The following DEPTOR variants were observed in gnomAD, a reference collection of about 807,000 sequenced individuals.
The protein encoded by DEPTOR is DEP domain containing MTOR interacting protein.
A neutral mutation model predicts 41.6 loss-of-function variants in DEPTOR; 41 were observed. The ratio of observed to expected loss-of-function variants is 0.98; its 90% CI spans 0.77 to 1.28. The LOEUF (loss-of-function observed/expected upper bound fraction) is 1.28, where lower values mean the gene tolerates loss of function less well. Ranked by LOEUF, DEPTOR falls within the 50% of genes most tolerant of loss-of-function variation. The pLI, the probability that DEPTOR is intolerant of heterozygous loss-of-function variation, is 0.00. For synonymous variants in DEPTOR, 195 were observed against 192.3 expected (o/e 1.01, Z -0.12); for missense variants, 514 against 527.9 (o/e 0.97, Z 0.26).
chr8:119,959,158 CT>C lies in DEPTOR; in HGVS notation c.426-6052del, dbSNP rs60202859. Among the ~76,000 whole-genome samples the C allele has an allele frequency of 5.9e-3, 673 of 114,824 alleles. 1 individual carries two copies. The highest frequency in any genetic ancestry group is 0.018 in the African/African-American group (527 of 29,420). 75.3% of individuals were successfully genotyped at this position (114,824 alleles called of 152,430 possible). A position where few individuals can be genotyped will look rare whatever the true frequency, so the allele number is the denominator to read the frequency against. Reference sequence around the variant, plus strand: ...GCTATTTCTTTTTCTTTCTTTCTTTCTTTTTTTTTTTTTTTTTTTTTTGAGA... The same window carrying C: ...GCTATTTCTTTTTCTTTCTTTCTTTCTTTTTTTTTTTTTTTTTTTTTGAGA... On this transcript the variant is annotated intron_variant, in intron 3 of 8. Coordinates refer to ENST00000286234, the MANE Select transcript of DEPTOR (RefSeq NM_022783.4).
chr8:119,909,769 GA>G (rs147577104), intron 1 of DEPTOR, among the ~76,000 whole-genome samples: 2,068 of 152,320 alleles, frequency 0.014, 52 homozygotes, highest in African/African-American at 0.048. Context: ...CTCATCTACA[GA>G]CAAGGGTTAA....
chr8:119,921,943 T>G (rs1389867615), intron 1 of DEPTOR, among the ~76,000 whole-genome samples: 1 of 151,740 alleles, frequency 6.6e-6, no homozygotes, highest in African/African-American at 2.4e-5. Flanking sequence ...TTGTAGTATT[T>G]AAACATAAAT....
intron 8 of DEPTOR, 38 bp from the exon 9 acceptor site, chr8:120,049,538 G>T: frequency 6.2e-7 from 1 of 1,604,526 alleles, no homozygotes; most frequent in Non-Finnish European, 8.5e-7. Flanking sequence ...AAAACCAGGC[G>T]CTATAATAGA....
intron 1 of DEPTOR, among the ~76,000 whole-genome samples, chr8:119,920,672 C>T (rs2326432): frequency 0.28 from 42,669 of 151,986 alleles, 6,443 homozygotes; most frequent in Middle Eastern, 0.4. Context: ...GCTCAAGAGG[C>T]GATCTAGGGT....
chr8:120,034,843 A>G (rs1188158010), intron 8 of DEPTOR, among the ~76,000 whole-genome samples: 1 of 152,180 alleles, frequency 6.6e-6, no homozygotes, highest in African/African-American at 2.4e-5. Context: ...AATCCGGAAA[A>G]AAGAAAAATA....
At chr8:120,012,522 A>G (rs1812545434) in intron 8 of DEPTOR, among the ~76,000 whole-genome samples, 1 of 151,798 alleles carries the variant, frequency 6.6e-6, no homozygotes, top group African/African-American at 2.4e-5. Flanking sequence ...TTTTTAAAGC[A>G]TTCTTTGTTT....
chr8:119,974,920 G>A (rs1015604208), intron 4 of DEPTOR, among the ~76,000 whole-genome samples: 1 of 152,052 alleles, frequency 6.6e-6, no homozygotes, highest in Non-Finnish European at 1.5e-5. Flanking sequence ...TGCAGACTTA[G>A]GTCAACACCT....
At chr8:119,931,857 T>C (rs747272295) in intron 3 of DEPTOR, among the ~76,000 whole-genome samples, 24 of 152,090 alleles carry the variant, frequency 1.6e-4, no homozygotes, top group Non-Finnish European at 3.1e-4. Context: ...TGATGTTCCT[T>C]TCAAACAATG....
At chr8:120,044,884 G>A (rs899508942) in intron 8 of DEPTOR, among the ~76,000 whole-genome samples, 4 of 152,182 alleles carry the variant, frequency 2.6e-5, no homozygotes, top group Admixed American at 6.6e-5. Flanking sequence ...TGTAAGCTTC[G>A]TGAAGGCAAA....
rs548586298 is a variant in DEPTOR, at chr8:119,980,160, C to CA, written c.604+14763dup. Among the ~76,000 whole-genome samples, 873 of 115,548 alleles carry CA rather than the reference C, an allele frequency of 7.6e-3. 7 individuals carry two copies. The highest frequency in any genetic ancestry group is 9.8e-3 in the Non-Finnish European group (524 of 53,346). 75.8% of individuals were successfully genotyped at this position (115,548 alleles called of 152,430 possible). On this transcript the variant is annotated intron_variant, in intron 4 of 8. Transcript: ENST00000286234. ...ATTTTAAATTTTCTAGTAGAAATAG[C>CA]AAAAAAAAAAAAAGGAGGAATGGGT...
chr8:119,912,955 C>G (rs1457162925), intron 1 of DEPTOR, among the ~76,000 whole-genome samples: 1 of 152,126 alleles, frequency 6.6e-6, no homozygotes, highest in African/African-American at 2.4e-5. Context: ...GAGTCTTGCT[C>G]TGTTGCCCCT....
At chr8:119,981,972 C>A (rs1283960241) in intron 4 of DEPTOR, among the ~76,000 whole-genome samples, 2 of 139,928 alleles carry the variant, frequency 1.4e-5, no homozygotes, top group African/African-American at 5.3e-5. Context: ...CAAGATCATG[C>A]CACTGCACTC....
intron 1 of DEPTOR, among the ~76,000 whole-genome samples, chr8:119,904,252 G>A (rs1465459590): frequency 6.6e-6 from 1 of 151,762 alleles, no homozygotes; most frequent in Non-Finnish European, 1.5e-5. Flanking sequence ...CCGAGTAGTT[G>A]GAACTACAGG....
At chr8:119,898,897 C>T (rs1312275901) in intron 1 of DEPTOR, among the ~76,000 whole-genome samples, 1 of 152,026 alleles carries the variant, frequency 6.6e-6, no homozygotes, top group Non-Finnish European at 1.5e-5. Flanking sequence ...TTCATTGATA[C>T]AGAAGATGAC....
intron 2 of DEPTOR, among the ~76,000 whole-genome samples, chr8:119,929,236 C>T (rs1828008874): frequency 6.6e-6 from 1 of 152,128 alleles, no homozygotes. Context: ...CACATGCCAT[C>T]GTTCTCTTGG....
intron 3 of DEPTOR, among the ~76,000 whole-genome samples, chr8:119,953,582 C>T (rs928994970): frequency 2.7e-5 from 4 of 145,478 alleles, no homozygotes; most frequent in African/African-American, 5.1e-5. Flanking sequence ...CAGAGCAAGA[C>T]TCTGTCTCAA....
intron 4 of DEPTOR, among the ~76,000 whole-genome samples, chr8:119,965,642 T>C (rs1828549463): frequency 6.6e-6 from 1 of 152,198 alleles, no homozygotes; most frequent in African/African-American, 2.4e-5. Flanking sequence ...TTGTTTTTAA[T>C]AAATTATTGC....
At position 119,987,396 on chromosome 8, in the gene DEPTOR, G is replaced by A. The variant is rs777971654; in HGVS notation, c.605-14129G>A. ...GCAAAGATTGCTGCCTGTTCTTTCC[G>A]CTAGAAGCTTTGTCCCAGAGGGGCA... On this transcript the variant is annotated intron_variant, in intron 4 of 8. Transcript: ENST00000286234. 5.9e-5 allele frequency among the ~76,000 whole-genome samples: 9 copies of A among 152,200 alleles called. No individual in the cohort carries two copies. In the South Asian group the frequency reaches 1.0e-3, roughly 18 times the overall value.
chr8:120,043,120 G>A (rs1024969273), intron 8 of DEPTOR, among the ~76,000 whole-genome samples: 5 of 151,522 alleles, frequency 3.3e-5, no homozygotes, highest in African/African-American at 9.7e-5. Context: ...TAATTGGGGA[G>A]CAGGTGGTGT....
Sources: gnomAD v4.1 joint callset for allele counts (sites outside exome capture counted in the v4.1 genomes callset) on GRCh38, gnomAD v4.1.1 for gene constraint, MANE v1.5 for transcripts, NCBI Gene and HGNC (gene_info 2026-07-23, HGNC 2026-07-21) for gene names.